The following FGF13 variants were observed in gnomAD, a reference collection of about 807,000 sequenced individuals.
FGF13 encodes the protein fibroblast growth factor 13.
FGF13 carries 2 observed loss-of-function variants against 19.5 expected under a neutral mutation model. The observed-to-expected ratio is 0.10, with a 90% CI of 0.04 to 0.32. The LOEUF is 0.32. FGF13 is among the 10% of genes least tolerant of loss of function. The pLI is 1.00. For missense variants in FGF13, 113 were observed against 192.7 expected (o/e 0.59, Z 2.45); for synonymous variants, 72 against 76.9 (o/e 0.94, Z 0.33).
chrX:138,943,778 T>A (rs2091769479), intron 1 of FGF13, among the ~76,000 whole-genome samples: 1 of 111,374 alleles, frequency 9.0e-6, no homozygotes, highest in Non-Finnish European at 1.9e-5. Context: ...TGAGAATAAT[T>A]CCATGCTATT....
intron 1 of FGF13, among the ~76,000 whole-genome samples, chrX:138,922,507 C>A (rs1212069112): frequency 9.0e-6 from 1 of 111,378 alleles, no homozygotes; most frequent in African/African-American, 3.3e-5. Flanking sequence ...GGGGGGTGAT[C>A]TAAAAATGTC....
intron 1 of FGF13, among the ~76,000 whole-genome samples, chrX:138,721,808 A>AAT (rs1012014460): frequency 9.1e-6 from 1 of 110,232 alleles, no homozygotes; most frequent in African/African-American, 3.3e-5. Flanking sequence ...TTATATATAA[A>AAT]ATATATATAC....
upstream of FGF13, chrX:139,204,307 G>A: frequency 2.8e-6 from 1 of 359,409 alleles, no homozygotes; most frequent in Non-Finnish European, 4.7e-6. Flanking sequence ...AAGGGGTGAA[G>A]GAGGAGCCGC....
At chrX:138,839,508 TAC>T (rs1372985384) in intron 3 of FGF13, among the ~76,000 whole-genome samples, 2 of 111,716 alleles carry the variant, frequency 1.8e-5, no homozygotes, top group African/African-American at 6.5e-5. Context: ...ACTTTGAACT[TAC>T]AGAGATGAGC....
intron 1 of FGF13, among the ~76,000 whole-genome samples, chrX:139,171,930 T>G (rs755367727): frequency 8.9e-6 from 1 of 112,266 alleles, no homozygotes; most frequent in Non-Finnish European, 1.9e-5. Flanking sequence ...GGATGTCCAT[T>G]CTTCTATGAT....
intron 1 of FGF13, among the ~76,000 whole-genome samples, chrX:139,071,576 T>C (rs2092376680): frequency 8.9e-6 from 1 of 112,125 alleles, no homozygotes; most frequent in African/African-American, 3.2e-5. Context: ...TTAAGATTTA[T>C]GTACTTTATC....
intron 1 of FGF13, among the ~76,000 whole-genome samples, chrX:138,957,282 G>A (rs1415597155): frequency 1.8e-5 from 2 of 111,814 alleles, no homozygotes; most frequent in East Asian, 2.8e-4. Flanking sequence ...ATGATTTCAT[G>A]GTATTCAGAG....
intron 3 of FGF13, among the ~76,000 whole-genome samples, chrX:138,808,582 T>A (rs1006647611): frequency 2.5e-4 from 27 of 110,170 alleles, no homozygotes; most frequent in African/African-American, 8.9e-4. Context: ...GGCAAGAAAT[T>A]ACTAAGATCA....
intron 3 of FGF13, among the ~76,000 whole-genome samples, chrX:138,639,328 C>T (rs991536588): frequency 8.9e-6 from 1 of 111,912 alleles, no homozygotes; most frequent in African/African-American, 3.3e-5. Context: ...GGTACCATAG[C>T]GCTCTTGACA....
At chrX:138,673,329 G>A (rs770416541) in intron 3 of FGF13, among the ~76,000 whole-genome samples, 3 of 111,335 alleles carry the variant, frequency 2.7e-5, no homozygotes, top group South Asian at 7.7e-4. Context: ...GGGCTCAGGG[G>A]ATTGGTTTGA....
chrX:139,005,475 C>G (rs2092097354), intron 1 of FGF13, among the ~76,000 whole-genome samples: 1 of 109,676 alleles, frequency 9.1e-6, no homozygotes, highest in Non-Finnish European at 1.9e-5. Flanking sequence ...CAAACAAGCC[C>G]AGACTATAAA....
downstream of FGF13, among the ~76,000 whole-genome samples, chrX:138,856,655 A>G (rs1269287607): frequency 8.9e-6 from 1 of 112,087 alleles, no homozygotes; most frequent in African/African-American, 3.2e-5. Context: ...ATGTGAGGGG[A>G]AAATGGGCTG....
At chrX:138,739,026 GA>G (rs201597412) in intron 1 of FGF13, among the ~76,000 whole-genome samples, 2,585 of 99,070 alleles carry the variant, frequency 0.026, 50 homozygotes, top group East Asian at 0.089. Context: ...ATTCCTCCCA[GA>G]AAAAAAAAAA....
intron 1 of FGF13, among the ~76,000 whole-genome samples, chrX:138,933,934 T>C (rs2091718154): frequency 8.9e-6 from 1 of 112,289 alleles, no homozygotes; most frequent in Admixed American, 9.5e-5. Context: ...TAAACTGGAT[T>C]AAGTTATGAA....
At chrX:139,195,145 G>A (rs1336082599) in intron 1 of FGF13, among the ~76,000 whole-genome samples, 2 of 101,338 alleles carry the variant, frequency 2.0e-5, no homozygotes, top group Non-Finnish European at 4.0e-5. Flanking sequence ...GGAACTGAGG[G>A]AGGCTGGTTG....
chrX:138,797,893 G>T (rs762891508), intron 3 of FGF13, among the ~76,000 whole-genome samples: 1 of 111,879 alleles, frequency 8.9e-6, no homozygotes, highest in Non-Finnish European at 1.9e-5. Context: ...GAATGCTTGT[G>T]ATTTTTGCAC....
Position 138,954,644 on chromosome X carries a change from A to G in FGF13, c.-112-89994T>C, listed in dbSNP as rs539297248. ...TTTATTACATATATTGCTAAACTTC[A>G]TTACTTAGAATTCAATCATAAAATA... is the stretch of plus-strand genomic sequence containing the variant. On this transcript the variant is annotated intron_variant, in intron 1 of 2. Coordinates refer to the FGF13 transcript ENST00000421460. Among the ~76,000 whole-genome samples, 20 of 111,560 alleles carry G rather than the reference A, an allele frequency of 1.8e-4. No individual in the cohort carries two copies. In the South Asian group the frequency reaches 7.1e-3, roughly 40 times the overall value.
chrX:139,193,618 T>A (rs1011842322), intron 1 of FGF13, among the ~76,000 whole-genome samples: 7 of 111,302 alleles, frequency 6.3e-5, no homozygotes, highest in Admixed American at 2.9e-4. Flanking sequence ...GGATGGAGAT[T>A]TAGCTTGGAC....
chrX:138,772,279 T>C (rs2090552617), intron 3 of FGF13, among the ~76,000 whole-genome samples: 1 of 108,819 alleles, frequency 9.2e-6, no homozygotes, highest in Non-Finnish European at 1.9e-5. Flanking sequence ...CTTGTTAATA[T>C]TATCATCTTT....
Sources: gnomAD v4.1 joint callset for allele counts (sites outside exome capture counted in the v4.1 genomes callset) on GRCh38, gnomAD v4.1.1 for gene constraint, MANE v1.5 for transcripts, NCBI Gene and HGNC (gene_info 2026-07-23, HGNC 2026-07-21) for gene names.